The following NT5DC3 variants were observed in gnomAD, a reference collection of about 807,000 sequenced individuals.
NT5DC3 encodes 5'-nucleotidase domain-containing protein 3.
In NT5DC3, 42 loss-of-function variants were observed where a neutral mutation model predicts 67.8. The observed-to-expected ratio is 0.62, with a 90% CI of 0.48 to 0.80. The LOEUF is 0.80. NT5DC3 is among the 30% of genes least tolerant of loss of function. NT5DC3 has a pLI of 0.00. For synonymous variants in NT5DC3, 237 were observed against 255.6 expected (o/e 0.93, Z 0.69); for missense variants, 570 against 696.4 (o/e 0.82, Z 2.04).
At chr12:103,749,661 C>G in the NT5DC3 span, among the ~76,000 whole-genome samples, 1 of 143,290 alleles carries the variant, frequency 7.0e-6, no homozygotes, top group Non-Finnish European at 1.5e-5. Context: ...AACCCCATGT[C>G]TACTAAAAAA....
intron 1 of NT5DC3, among the ~76,000 whole-genome samples, chr12:103,819,055 A>G (rs1385866357): frequency 6.6e-6 from 1 of 152,224 alleles, no homozygotes; most frequent in Non-Finnish European, 1.5e-5. Flanking sequence ...CTGCTACCTC[A>G]GAAGACTATG....
chr12:103,761,276 T>C, the NT5DC3 span: 1 of 1,608,384 alleles, frequency 6.2e-7, no homozygotes. Context: ...GTAAAAGCCA[T>C]CAACCCTCTT....
chr12:103,780,289 G>T lies in NT5DC3; in HGVS notation c.1394+11C>A. The T allele has an allele frequency of 6.2e-7, 1 of 1,611,420 alleles. No individual in the cohort carries two copies. Among genetic ancestry groups the T allele is most frequent in the Non-Finnish European group, 8.5e-7 (1 of 1,177,542 alleles). ...TGGTGGACGCGCACATTCAATACAG[G>T]CCTCTCTTACCGCATCTCCTTCCTT... On this transcript the variant is annotated intron_variant, in intron 13 of 13. Coordinates refer to ENST00000392876, the MANE Select transcript of NT5DC3 (RefSeq NM_001031701.3).
chr12:103,757,780 C>T, the NT5DC3 span: 1 of 230,126 alleles, frequency 4.3e-6, no homozygotes, highest in Non-Finnish European at 8.9e-6. Flanking sequence ...ACAAGCTAGG[C>T]CTGGGGTCAG....
At chr12:103,755,847 C>A in the NT5DC3 span, 1 of 822,126 alleles carries the variant, frequency 1.2e-6, no homozygotes, top group Non-Finnish European at 1.9e-6. Flanking sequence ...ACCACCTTGC[C>A]TGAATCTAAA....
chr12:103,815,327 C>G (rs1887204731), intron 1 of NT5DC3, among the ~76,000 whole-genome samples: 1 of 152,164 alleles, frequency 6.6e-6, no homozygotes, highest in Non-Finnish European at 1.5e-5. Context: ...TCCATAGGCA[C>G]AGAAAGGAGA....
the NT5DC3 span, chr12:103,761,190 C>A: frequency 2.0e-6 from 2 of 976,178 alleles, no homozygotes; most frequent in Non-Finnish European, 3.2e-6. Flanking sequence ...TCAGTGGAGA[C>A]AAACCTGAAA....
intron 13 of NT5DC3, among the ~76,000 whole-genome samples, chr12:103,780,033 G>A (rs981966558): frequency 6.6e-6 from 1 of 152,182 alleles, no homozygotes; most frequent in Non-Finnish European, 1.5e-5. Context: ...CAGGAAGGAG[G>A]AATGAGATGG....
At chr12:103,760,614 T>C in the NT5DC3 span, among the ~76,000 whole-genome samples, 1 of 152,178 alleles carries the variant, frequency 6.6e-6, no homozygotes, top group East Asian at 1.9e-4. Flanking sequence ...GTGTGGATGA[T>C]GGTGATGATA....
chr12:103,789,033 A>AT, intron 9 of NT5DC3, 114 bp from the exon 10 acceptor site: 1 of 728,208 alleles, frequency 1.4e-6, no homozygotes. Flanking sequence ...CCTAAAAAAA[A>AT]CCCGAAACCA....
downstream of NT5DC3, among the ~76,000 whole-genome samples, chr12:103,771,609 A>G (rs10861095): frequency 0.29 from 43,994 of 151,996 alleles, 6,576 homozygotes; most frequent in South Asian, 0.47. Context: ...CACATCTCCA[A>G]ATTGTCCCCA....
intron 10 of NT5DC3, 25 bp from the exon 11 acceptor site, chr12:103,787,552 AT>A: frequency 7.5e-7 from 1 of 1,336,000 alleles, no homozygotes; most frequent in Non-Finnish European, 1.1e-6. Flanking sequence ...AACTATAGTT[AT>A]TATTATTACA....
intron 1 of NT5DC3, among the ~76,000 whole-genome samples, chr12:103,839,203 G>A (rs1475586170): frequency 6.6e-6 from 1 of 152,198 alleles, no homozygotes; most frequent in Non-Finnish European, 1.5e-5. Flanking sequence ...TGTTACCACT[G>A]GGAGAAATTG....
chr12:103,754,970 C>A, the NT5DC3 span: 2 of 224,630 alleles, frequency 8.9e-6, no homozygotes, highest in Non-Finnish European at 1.8e-5. Flanking sequence ...AATTTGAGTT[C>A]TATCATCAGA....
the NT5DC3 span, chr12:103,746,716 T>G: frequency 1.2e-6 from 2 of 1,612,136 alleles, no homozygotes; most frequent in Non-Finnish European, 1.7e-6. Context: ...TAAGCCACCT[T>G]TGTGCACAGG....
Position 103,796,902 on chromosome 12 carries a change from C to T in NT5DC3, c.745G>A (p.Asp249Asn). 2 of 1,614,172 alleles carry T rather than the reference C, an allele frequency of 1.2e-6. No individual in the cohort carries two copies. The highest frequency in any genetic ancestry group is 1.7e-6 in the Non-Finnish European group (2 of 1,180,016). Residue 249 changes from aspartate to asparagine, a missense_variant, in exon 6 of 14, where the codon GAT (aspartate) becomes AAT (asparagine). Asp to Asn is a conservative substitution (Grantham distance 23). Coordinates refer to ENST00000392876, the MANE Select transcript of NT5DC3 (RefSeq NM_001031701.3). ...IDYEPVHLYK[D>N]VKDSIRDVHI... ...CTCACTGTGGATACAACCTTGACAT[C>T]TTTGTACAGATGCACAGGCTCATAG...
chr12:103,746,426 C>T, the NT5DC3 span: 4 of 614,794 alleles, frequency 6.5e-6, no homozygotes, highest in Non-Finnish European at 1.2e-5. Context: ...TTCTAGAATC[C>T]CAGAATCTCC....
At chr12:103,784,734 T>A (rs989980845) in intron 12 of NT5DC3, among the ~76,000 whole-genome samples, 4 of 152,152 alleles carry the variant, frequency 2.6e-5, no homozygotes, top group African/African-American at 9.7e-5. Context: ...GCAGCTTCCA[T>A]GGGCCAGGAA....
downstream of NT5DC3, among the ~76,000 whole-genome samples, chr12:103,767,892 C>T (rs765568373): frequency 1.3e-5 from 2 of 151,290 alleles, no homozygotes; most frequent in Non-Finnish European, 2.9e-5. Context: ...ACCAGCCTGA[C>T]TAACATGGTG....
Sources: gnomAD v4.1 joint callset for allele counts (sites outside exome capture counted in the v4.1 genomes callset) on GRCh38, gnomAD v4.1.1 for gene constraint, MANE v1.5 for transcripts, NCBI Gene and HGNC (gene_info 2026-07-23, HGNC 2026-07-21) for gene names.